The following SLC2A9 variants were observed in gnomAD, a reference collection of about 807,000 sequenced individuals.
The protein encoded by SLC2A9 is solute carrier family 2, facilitated glucose transporter member 9.
A neutral mutation model predicts 50.6 loss-of-function variants in SLC2A9; 39 were observed. That is an observed-to-expected ratio of 0.77 (90% CI 0.60 to 1.01). SLC2A9 has a LOEUF of 1.01. Ranked by LOEUF, SLC2A9 falls within the 50% of genes least tolerant of loss-of-function variation. SLC2A9 has a pLI of 0.00. For missense variants in SLC2A9, 686 were observed against 677.6 expected (o/e 1.01, Z -0.14); for synonymous variants, 324 against 276.9 (o/e 1.17, Z -1.69).
At chr4:9,969,958 C>G (rs766097218) in intron 5 of SLC2A9, among the ~76,000 whole-genome samples, 3 of 152,050 alleles carry the variant, frequency 2.0e-5, no homozygotes, top group Non-Finnish European at 4.4e-5. Context: ...TAGAGACTCA[C>G]GCTATAATTT....
At chr4:9,982,917 G>T (rs9994216) in intron 4 of SLC2A9, among the ~76,000 whole-genome samples, 99,267 of 151,984 alleles carry the variant, frequency 0.65, 33,337 homozygotes, top group Non-Finnish European at 0.75. Flanking sequence ...TTGCCCAGAC[G>T]GGAGTGCAAT....
At chr4:9,997,906 A>G (rs1489037818) in intron 2 of SLC2A9, among the ~76,000 whole-genome samples, 1 of 152,218 alleles carries the variant, frequency 6.6e-6, no homozygotes, top group Non-Finnish European at 1.5e-5. Context: ...AGAACTACAA[A>G]TAAATCCTAT....
intron 10 of SLC2A9, among the ~76,000 whole-genome samples, chr4:9,884,659 C>T (rs1216039917): frequency 1.3e-5 from 2 of 152,052 alleles, no homozygotes; most frequent in Non-Finnish European, 2.9e-5. Context: ...CCCAGCAATC[C>T]CATTACTTAG....
At chr4:9,990,331 C>T (rs10011206) in intron 3 of SLC2A9, among the ~76,000 whole-genome samples, 33,710 of 151,914 alleles carry the variant, frequency 0.22, 4,189 homozygotes, top group African/African-American at 0.31. Context: ...TCCATTTATC[C>T]AACAAATGTC....
At chr4:9,960,239 G>C (rs1752048199) in intron 5 of SLC2A9, among the ~76,000 whole-genome samples, 1 of 152,164 alleles carries the variant, frequency 6.6e-6, no homozygotes, top group African/African-American at 2.4e-5. Flanking sequence ...AAGTCACTCA[G>C]GCTCCGCTAA....
intron 2 of SLC2A9, among the ~76,000 whole-genome samples, chr4:10,000,244 A>G (rs1238907581): frequency 6.6e-6 from 1 of 152,214 alleles, no homozygotes; most frequent in African/African-American, 2.4e-5. Context: ...TACGTCATCC[A>G]CTGACTCATT....
intron 2 of SLC2A9, among the ~76,000 whole-genome samples, chr4:10,016,902 T>C (rs994591716): frequency 1.3e-5 from 2 of 152,122 alleles, no homozygotes; most frequent in Non-Finnish European, 2.9e-5. Flanking sequence ...CCCTCTTCTT[T>C]TGACTCCATC....
chr4:10,013,810 G>A (rs1039966786), intron 2 of SLC2A9, among the ~76,000 whole-genome samples: 6 of 152,228 alleles, frequency 3.9e-5, no homozygotes, highest in South Asian at 2.1e-4. Context: ...TCTGTGCCCC[G>A]ATCACCTGGG....
At chr4:9,776,409 A>C (rs1166006362), downstream of SLC2A9, among the ~76,000 whole-genome samples, 1 of 151,906 alleles carries the variant, frequency 6.6e-6, no homozygotes, top group Non-Finnish European at 1.5e-5. Context: ...ACAGGGAGGA[A>C]AATATTTTCC....
At chr4:9,957,661 G>T (rs1404897963) in intron 5 of SLC2A9, among the ~76,000 whole-genome samples, 7 of 152,104 alleles carry the variant, frequency 4.6e-5, no homozygotes, top group Non-Finnish European at 1.0e-4. Flanking sequence ...CGGGGACAGG[G>T]GGAAAGCCCT....
In SLC2A9 at chr4:9,931,985, T is replaced by TATAC. The variant is rs544254064; in HGVS notation, c.814+9927_814+9928insGTAT. ...CTCTATATATATATATATATATATATATATATATATATATGCCTTGCCTGA... is the reference window on the plus strand; with the variant it reads ...CTCTATATATATATATATATATATATATACATATATATATATATGCCTTGCCTGA... On this transcript the variant is annotated intron_variant, in intron 6 of 11. Coordinates refer to ENST00000264784, the MANE Select transcript of SLC2A9 (RefSeq NM_020041.3). 4.7e-3 allele frequency among the ~76,000 whole-genome samples: 448 copies of TATAC among 95,416 alleles called. 17 individuals are homozygous for TATAC. Among genetic ancestry groups the TATAC allele is most frequent in the African/African-American group, 6.1e-3 (137 of 22,470 alleles). The allele number at this position is 95,416 out of a possible 152,430, so 62.6% of individuals were successfully genotyped here.
intron 5 of SLC2A9, among the ~76,000 whole-genome samples, chr4:9,966,584 A>T (rs1199660630): frequency 7.1e-6 from 1 of 140,638 alleles, no homozygotes; most frequent in Non-Finnish European, 1.5e-5. Context: ...AGAACCTGGG[A>T]GGCGGGGGTT....
At chr4:9,875,708 C>T (rs1734206544) in intron 10 of SLC2A9, among the ~76,000 whole-genome samples, 2 of 152,200 alleles carry the variant, frequency 1.3e-5, no homozygotes, top group South Asian at 2.1e-4. Context: ...TCTCAACTTC[C>T]TCTATCCACC....
At chr4:9,858,590 C>T (rs1048731357) in intron 10 of SLC2A9, among the ~76,000 whole-genome samples, 1 of 152,114 alleles carries the variant, frequency 6.6e-6, no homozygotes, top group African/African-American at 2.4e-5. Flanking sequence ...TATTAATAGT[C>T]ACGTCAGGAT....
At chr4:9,874,370 T>A (rs757409514) in intron 10 of SLC2A9, among the ~76,000 whole-genome samples, 19 of 152,308 alleles carry the variant, frequency 1.2e-4, no homozygotes, top group Admixed American at 2.0e-4. Context: ...AGATGCCCTC[T>A]CTGATGGCAG....
intron 10 of SLC2A9, among the ~76,000 whole-genome samples, chr4:9,871,193 G>A (rs1733370663): frequency 6.6e-6 from 1 of 152,138 alleles, no homozygotes; most frequent in Non-Finnish European, 1.5e-5. Context: ...GGCATTAAGA[G>A]TCAGATGGTG....
intron 10 of SLC2A9, chr4:9,879,254 G>A (rs1332652547): frequency 2.0e-6 from 2 of 985,414 alleles, no homozygotes; most frequent in African/African-American, 3.5e-5. Context: ...TGCAGTATGA[G>A]CTGACTTTTT....
intron 8 of SLC2A9, among the ~76,000 whole-genome samples, chr4:9,892,920 A>C: frequency 6.6e-6 from 1 of 152,186 alleles, no homozygotes; most frequent in Non-Finnish European, 1.5e-5. Flanking sequence ...GCACTGTATT[A>C]AGCACTTTTC....
chr4:9,996,743 T>C lies in SLC2A9; in HGVS notation c.410+38A>G, dbSNP rs759226213. 8 of 1,609,644 alleles carry C rather than the reference T, an allele frequency of 5.0e-6. No individual in the cohort carries two copies. The East Asian group carries it at 1.3e-4, about 27-fold the overall frequency. On this transcript the variant is annotated intron_variant, in intron 3 of 11. Coordinates refer to ENST00000264784, the MANE Select transcript of SLC2A9 (RefSeq NM_020041.3). ...CAATGACACAGATATATTATGAACA[T>C]GGAGGGCACCCCCAGATAGAGACAG...
Sources: allele counts gnomAD v4.1 joint callset (sites outside exome capture counted in the v4.1 genomes callset), GRCh38; gene constraint gnomAD v4.1.1; transcripts MANE v1.5; gene names NCBI Gene and HGNC (gene_info 2026-07-23, HGNC 2026-07-21).